The following PCLO variants were observed in gnomAD, a reference collection of about 807,000 sequenced individuals.
PCLO encodes the protein piccolo presynaptic cytomatrix protein.
A neutral mutation model predicts 427.5 loss-of-function variants in PCLO; 82 were observed. That is an observed-to-expected ratio of 0.19 (90% CI 0.16 to 0.23). PCLO has a LOEUF of 0.23. PCLO is among the 10% of genes least tolerant of loss of function. The pLI, the probability that PCLO is intolerant of heterozygous loss-of-function variation, is 1.00. For missense variants in PCLO, 6,239 were observed against 6,115.9 expected, an observed-to-expected ratio of 1.02 and a Z score of -0.67; for synonymous variants, 2,357 against 2,155.4, an observed-to-expected ratio of 1.09 and a Z score of -2.59.
chr7:83,057,503 A>AT (rs1203850797), intron 3 of PCLO, among the ~76,000 whole-genome samples: 2 of 149,472 alleles, frequency 1.3e-5, no homozygotes, highest in African/African-American at 4.9e-5. Flanking sequence ...CTGGGACTGC[A>AT]TGCGCCCGCC....
intron 7 of PCLO, among the ~76,000 whole-genome samples, chr7:82,910,586 A>G (rs1319294548): frequency 2.0e-5 from 3 of 152,268 alleles, no homozygotes; most frequent in East Asian, 3.9e-4. Context: ...ACTAAAATCA[A>G]TGCCCTGCAC....
intron 3 of PCLO, among the ~76,000 whole-genome samples, chr7:83,089,700 C>G (rs942646916): frequency 1.3e-5 from 2 of 152,162 alleles, no homozygotes; most frequent in Non-Finnish European, 2.9e-5. Context: ...AGTGCAATAA[C>G]CACTGGCTGG....
At chr7:83,061,990 C>T (rs778770403) in intron 3 of PCLO, among the ~76,000 whole-genome samples, 26 of 152,060 alleles carry the variant, frequency 1.7e-4, no homozygotes, top group Non-Finnish European at 2.6e-4. Flanking sequence ...AGTCCCATTG[C>T]CTTATTCAGG....
intron 22 of PCLO, among the ~76,000 whole-genome samples, chr7:82,766,258 C>G (rs1253347615): frequency 6.6e-6 from 1 of 152,034 alleles, no homozygotes; most frequent in Non-Finnish European, 1.5e-5. Context: ...ACAGACATGC[C>G]TCCCCATTAC....
At chr7:82,948,128 C>T (rs932604545) in intron 6 of PCLO, among the ~76,000 whole-genome samples, 1 of 151,958 alleles carries the variant, frequency 6.6e-6, no homozygotes, top group African/African-American at 2.4e-5. Flanking sequence ...TTAAAAATCA[C>T]TTTTCAACTA....
At chr7:83,059,244 A>G (rs1789477967) in intron 3 of PCLO, among the ~76,000 whole-genome samples, 1 of 148,090 alleles carries the variant, frequency 6.8e-6, no homozygotes, top group African/African-American at 2.5e-5. Context: ...CCGAGGGTCA[A>G]TTCTTTCAAT....
intron 6 of PCLO, among the ~76,000 whole-genome samples, chr7:82,921,595 C>G (rs1306476684): frequency 6.6e-6 from 1 of 151,894 alleles, no homozygotes; most frequent in Non-Finnish European, 1.5e-5. Flanking sequence ...GAAATCAATT[C>G]AAGATGGAGT....
chr7:82,924,093 T>C (rs1008884891), intron 6 of PCLO, among the ~76,000 whole-genome samples: 10 of 152,100 alleles, frequency 6.6e-5, no homozygotes, highest in African/African-American at 2.4e-4. Flanking sequence ...AATATATTTA[T>C]TGATGATGAG....
chr7:83,084,417 T>C (rs1281087291), intron 3 of PCLO, among the ~76,000 whole-genome samples: 1 of 152,172 alleles, frequency 6.6e-6, no homozygotes, highest in African/African-American at 2.4e-5. Flanking sequence ...CAGCTGTCTT[T>C]ACATTTAATA....
At chr7:83,097,138 CATTATATAAATAT>C (rs1790603242) in intron 3 of PCLO, among the ~76,000 whole-genome samples, 1 of 83,458 alleles carries the variant, frequency 1.2e-5, no homozygotes, top group South Asian at 3.3e-4. Context: ...ATACATTATA[CATTATATAAATAT>C]ATTATACATT....
Position 82,758,464 on chromosome 7 carries a change from C to G in PCLO, c.*111G>C, listed in dbSNP as rs1283559839. On this transcript the variant is annotated 3_prime_UTR_variant, in exon 25 of 25. Coordinates refer to ENST00000333891, the MANE Select transcript of PCLO (RefSeq NM_033026.6). ...CTTAAGTATGTTTTTGCTTGTTGTT[C>G]CCACTCTTATGTTTGCCTCTCAAAA... is the stretch of plus-strand genomic sequence containing the variant. 3 of 793,820 alleles carry G rather than the reference C, an allele frequency of 3.8e-6. No homozygotes were observed. In the Admixed American group the frequency reaches 8.2e-5, roughly 22 times the overall value. 49.2% of individuals were successfully genotyped at this position (793,820 alleles called of 1,614,324 possible).
chr7:82,878,377 A>C (rs992948572), intron 10 of PCLO, among the ~76,000 whole-genome samples: 3 of 152,206 alleles, frequency 2.0e-5, no homozygotes, highest in African/African-American at 4.8e-5. Context: ...ACAGCAGACA[A>C]AATTTTATTA....
At chr7:82,840,946 CTTT>C (rs1291806870) in intron 14 of PCLO, among the ~76,000 whole-genome samples, 3 of 151,286 alleles carry the variant, frequency 2.0e-5, no homozygotes, top group Admixed American at 2.0e-4. Flanking sequence ...AGATGATTAT[CTTT>C]TTATTTTTAT....
chr7:83,112,545 G>A (rs1385978564), intron 3 of PCLO, among the ~76,000 whole-genome samples: 1 of 152,050 alleles, frequency 6.6e-6, no homozygotes, highest in Non-Finnish European at 1.5e-5. Flanking sequence ...GACAAATGAA[G>A]CCATTTAGCC....
intron 3 of PCLO, among the ~76,000 whole-genome samples, chr7:83,104,802 G>A (rs1371702121): frequency 6.6e-6 from 1 of 152,030 alleles, no homozygotes; most frequent in African/African-American, 2.4e-5. Flanking sequence ...ACACAACTAT[G>A]CCATAGATCA....
At chr7:82,990,714 G>T (rs968157564) in intron 3 of PCLO, among the ~76,000 whole-genome samples, 3 of 152,066 alleles carry the variant, frequency 2.0e-5, no homozygotes, top group Non-Finnish European at 4.4e-5. Context: ...TTGGTGTTAT[G>T]ATTGATTATA....
intron 6 of PCLO, among the ~76,000 whole-genome samples, chr7:82,925,861 G>T (rs570107020): frequency 7.3e-5 from 11 of 151,504 alleles, no homozygotes; most frequent in Non-Finnish European, 1.3e-4. Flanking sequence ...GACTCCAGGT[G>T]TGCACCACCA....
intron 2 of PCLO, among the ~76,000 whole-genome samples, chr7:83,152,111 C>T (rs987903107): frequency 5.3e-5 from 8 of 151,892 alleles, no homozygotes; most frequent in East Asian, 1.9e-4. Flanking sequence ...ACTACAAGCG[C>T]CCGCCACCAC....
chr7:83,157,452 T>C (rs1398926090), intron 1 of PCLO, among the ~76,000 whole-genome samples: 1 of 152,022 alleles, frequency 6.6e-6, no homozygotes, highest in Admixed American at 6.6e-5. Context: ...ATTATTGACA[T>C]TGAGATTAAA....
Sources: allele counts gnomAD v4.1 joint callset (sites outside exome capture counted in the v4.1 genomes callset), GRCh38; gene constraint gnomAD v4.1.1; transcripts MANE v1.5; gene names NCBI Gene and HGNC (gene_info 2026-07-23, HGNC 2026-07-21).